The following FBXW11 variants were observed in gnomAD, a reference collection of about 807,000 sequenced individuals.
The protein encoded by FBXW11 is F-box/WD repeat-containing protein 11.
In FBXW11, 19 loss-of-function variants were observed where a neutral mutation model predicts 77.6. The observed-to-expected ratio is 0.24, with a 90% confidence interval of 0.17 to 0.36. The LOEUF is 0.36. Ranked by LOEUF, FBXW11 falls within the 10% of genes least tolerant of loss-of-function variation. The probability of loss-of-function intolerance (pLI) is 1.00; values close to 1 mark genes in which losing one functional copy is unlikely to be tolerated. For missense variants in FBXW11, 334 were observed against 704.2 expected, an observed-to-expected ratio of 0.47 and a Z score of 5.95; for synonymous variants, 235 against 249.4, an observed-to-expected ratio of 0.94 and a Z score of 0.54.
At chr5:171,882,707 CTT>C (rs34663550) in intron 7 of FBXW11, among the ~76,000 whole-genome samples, 1 of 151,720 alleles carries the variant, frequency 6.6e-6, no homozygotes, top group African/African-American at 2.4e-5. Flanking sequence ...TTTCCAGCTT[CTT>C]TTTTTTACTG....
intron 6 of FBXW11, among the ~76,000 whole-genome samples, chr5:171,897,436 G>A (rs998719620): frequency 6.6e-6 from 1 of 152,104 alleles, no homozygotes; most frequent in African/African-American, 2.4e-5. Context: ...TGTCGCACAG[G>A]GTTTTCCCAC....
intron 9 of FBXW11, among the ~76,000 whole-genome samples, chr5:171,874,400 A>G (rs900894246): frequency 6.6e-5 from 10 of 152,218 alleles, no homozygotes; most frequent in Admixed American, 5.9e-4. Flanking sequence ...CTCCATGCTG[A>G]TATTATGAAA....
chr5:171,991,970 C>G (rs371249591), intron 1 of FBXW11, among the ~76,000 whole-genome samples: 1 of 151,806 alleles, frequency 6.6e-6, no homozygotes, highest in Non-Finnish European at 1.5e-5. Flanking sequence ...CAAAAATTAG[C>G]TGGGCGTGGT....
At position 171,983,496 on chromosome 5, in the gene FBXW11, T is replaced by G. The variant is rs115176232; in HGVS notation, c.45+22962A>C. Among the ~76,000 whole-genome samples the G allele has an allele frequency of 3.3e-5, 5 of 151,798 alleles. No individual in the cohort carries two copies. The South Asian group carries it at 1.0e-3, about 32-fold the overall frequency. On this transcript the variant is annotated intron_variant, in intron 1 of 13. Coordinates refer to ENST00000517395, the MANE Select transcript of FBXW11 (RefSeq NM_001378974.1). ...CCAGGCTTGCCACTGGTATGTGGGG[T>G]AGGGGGGCAATCTCGGGGACCAAGC... is the stretch of plus-strand genomic sequence containing the variant.
intron 2 of FBXW11, among the ~76,000 whole-genome samples, chr5:171,917,533 T>C (rs1020017390): frequency 6.6e-6 from 1 of 152,188 alleles, no homozygotes; most frequent in Admixed American, 6.5e-5. Context: ...AAATTGTTTT[T>C]AATAAAACCA....
At chr5:171,880,363 A>C (rs1216544441) in intron 7 of FBXW11, among the ~76,000 whole-genome samples, 1 of 152,188 alleles carries the variant, frequency 6.6e-6, no homozygotes, top group Non-Finnish European at 1.5e-5. Flanking sequence ...GTAATTCTTC[A>C]AGTAGGGTAG....
intron 1 of FBXW11, among the ~76,000 whole-genome samples, chr5:172,000,595 T>C (rs1475969573): frequency 2.0e-5 from 3 of 152,178 alleles, no homozygotes; most frequent in Non-Finnish European, 2.9e-5. Flanking sequence ...AGAAAGACCT[T>C]TTCCACACCA....
chr5:171,935,854 TA>T (rs879562589), intron 2 of FBXW11, among the ~76,000 whole-genome samples: 4 of 152,132 alleles, frequency 2.6e-5, no homozygotes, highest in Non-Finnish European at 4.4e-5. Context: ...CTCGCACCTG[TA>T]ATCTCAGCAC....
At chr5:171,942,828 T>C (rs567913799) in intron 2 of FBXW11, among the ~76,000 whole-genome samples, 2 of 152,022 alleles carry the variant, frequency 1.3e-5, no homozygotes, top group African/African-American at 4.8e-5. Flanking sequence ...ATCAATTAAA[T>C]TTTTTAAATT....
chr5:171,963,091 T>C (rs1343961184), intron 1 of FBXW11, among the ~76,000 whole-genome samples: 2 of 152,164 alleles, frequency 1.3e-5, no homozygotes, highest in Non-Finnish European at 2.9e-5. Context: ...TATCTGAACT[T>C]ATATCTATCT....
intron 7 of FBXW11, among the ~76,000 whole-genome samples, chr5:171,885,832 C>A (rs1303376001): frequency 6.6e-6 from 1 of 152,152 alleles, no homozygotes; most frequent in Non-Finnish European, 1.5e-5. Context: ...AATATAATAT[C>A]TACAATAGCA....
chr5:171,906,622 T>C (rs752338306), intron 4 of FBXW11, among the ~76,000 whole-genome samples: 1 of 152,194 alleles, frequency 6.6e-6, no homozygotes, highest in Non-Finnish European at 1.5e-5. Flanking sequence ...ATGCCAGGCA[T>C]ATTATAACAT....
At chr5:171,867,653 G>C (rs1757495834) in intron 13 of FBXW11, 1 of 152,102 alleles carries the variant, frequency 6.6e-6, no homozygotes, top group Non-Finnish European at 1.5e-5. Context: ...TAGGTACCAA[G>C]AGTTCTCAAT....
At chr5:172,000,288 C>T (rs1321210604) in intron 1 of FBXW11, among the ~76,000 whole-genome samples, 5 of 152,176 alleles carry the variant, frequency 3.3e-5, no homozygotes, top group Admixed American at 3.3e-4. Flanking sequence ...CTAAACTAAA[C>T]CGATCAAACA....
chr5:171,981,403 T>A (rs896749865), intron 1 of FBXW11, among the ~76,000 whole-genome samples: 2 of 152,236 alleles, frequency 1.3e-5, no homozygotes, highest in African/African-American at 4.8e-5. Context: ...TTACTGAACA[T>A]GAGCAGGTGA....
At chr5:171,928,515 T>A (rs756635976) in intron 2 of FBXW11, among the ~76,000 whole-genome samples, 14 of 152,212 alleles carry the variant, frequency 9.2e-5, no homozygotes, top group Non-Finnish European at 1.8e-4. Context: ...ACTACAAAGC[T>A]ATTGTAACCA....
chr5:171,891,383 G>C (rs932855938), intron 7 of FBXW11, 84 bp downstream of exon 7: 1 of 1,315,680 alleles, frequency 7.6e-7, no homozygotes, highest in Non-Finnish European at 1.0e-6. Context: ...AACCAATCTA[G>C]AGTAAATGGA....
chr5:171,995,035 A>G (rs1765953605), intron 1 of FBXW11, among the ~76,000 whole-genome samples: 1 of 152,224 alleles, frequency 6.6e-6, no homozygotes, highest in Non-Finnish European at 1.5e-5. Flanking sequence ...GTATTAAATT[A>G]AAACAAGGAT....
intron 1 of FBXW11, among the ~76,000 whole-genome samples, chr5:171,981,200 A>G (rs565845305): frequency 1.1e-3 from 162 of 152,166 alleles, no homozygotes; most frequent in African/African-American, 3.8e-3. Context: ...GATGGCAAAC[A>G]TATGCCTCTA....
Sources: allele counts gnomAD v4.1 joint callset (sites outside exome capture counted in the v4.1 genomes callset), GRCh38; gene constraint gnomAD v4.1.1; transcripts MANE v1.5; gene names NCBI Gene and HGNC (gene_info 2026-07-23, HGNC 2026-07-21).